KLHDC1: variants seen among roughly 807,000 people sequenced by gnomAD.
KLHDC1 encodes the protein kelch domain containing 1.
In KLHDC1, 53 loss-of-function variants were observed where a neutral mutation model predicts 68.3. The ratio of observed to expected loss-of-function variants is 0.78; its 90% confidence interval spans 0.62 to 0.98. KLHDC1 has a LOEUF of 0.98. Among genes scored for constraint, KLHDC1 ranks in the 50% least tolerant of loss-of-function variants. The probability of loss-of-function intolerance (pLI) is 0.00; values close to 1 mark genes in which losing one functional copy is unlikely to be tolerated. For synonymous variants in KLHDC1, 148 were observed against 159.0 expected, an observed-to-expected ratio of 0.93 and a Z score of 0.52; for missense variants, 470 against 492.3, an observed-to-expected ratio of 0.95 and a Z score of 0.43.
intron 9 of KLHDC1, among the ~76,000 whole-genome samples, chr14:49,734,000 C>A (rs1284446659): frequency 6.6e-6 from 1 of 152,122 alleles, no homozygotes; most frequent in Non-Finnish European, 1.5e-5. Context: ...GATTTGGAAT[C>A]TAACCAAAAA....
intron 1 of KLHDC1, among the ~76,000 whole-genome samples, chr14:49,693,748 C>CTTTTTTCTTTTT (rs1887645959): frequency 3.3e-5 from 2 of 61,538 alleles, no homozygotes; most frequent in Non-Finnish European, 6.8e-5. Flanking sequence ...TTTTCTTTTT[C>CTTTTTTCTTTTT]TTTTTTTTTT....
chr14:49,740,471 G>A (rs1889036484), intron 11 of KLHDC1, among the ~76,000 whole-genome samples: 1 of 152,076 alleles, frequency 6.6e-6, no homozygotes, highest in South Asian at 2.1e-4. Flanking sequence ...CCGAGTAGCT[G>A]GGACTACAGG....
intron 3 of KLHDC1, 112 bp downstream of exon 3, chr14:49,709,938 T>G: frequency 5.1e-6 from 3 of 585,794 alleles, no homozygotes; most frequent in East Asian, 6.3e-5. Flanking sequence ...AACCTTAAAC[T>G]TGTAATTAAA....
rs1888288765 is a variant in KLHDC1 at position 49,713,833 on chromosome 14, TATATATATATATA to T, written c.404+3453_404+3465del. On this transcript the variant is annotated intron_variant, in intron 4 of 12. Transcript: ENST00000359332. ...ATATATATATATATATATATATATA[TATATATATATATA>T]TATATTTTTTTTTTTTTTTTTCCTG... 3.4e-3 allele frequency among the ~76,000 whole-genome samples: 53 copies of T among 15,546 alleles called. 3 individuals carry two copies. Among genetic ancestry groups the T allele is most frequent in the Middle Eastern group, 0.036 (1 of 28 alleles). 10.2% of individuals were successfully genotyped at this position (15,546 alleles called of 152,430 possible).
chr14:49,726,412 CAAAT>C (rs2139754598), intron 6 of KLHDC1, among the ~76,000 whole-genome samples: 1 of 152,038 alleles, frequency 6.6e-6, no homozygotes, highest in South Asian at 2.1e-4. Context: ...TCAAAATAAA[CAAAT>C]AAAACAAAAA....
chr14:49,714,939 A>G (rs1036458934), intron 4 of KLHDC1, among the ~76,000 whole-genome samples: 2 of 147,334 alleles, frequency 1.4e-5, no homozygotes, highest in Non-Finnish European at 3.0e-5. Flanking sequence ...TGGAAATTAC[A>G]TATATACTTT....
At chr14:49,722,700 G>A (rs1888559504) in intron 4 of KLHDC1, among the ~76,000 whole-genome samples, 1 of 152,082 alleles carries the variant, frequency 6.6e-6, no homozygotes, top group African/African-American at 2.4e-5. Context: ...ATGTGGCTGG[G>A]GAGGCCTCAC....
intron 6 of KLHDC1, among the ~76,000 whole-genome samples, chr14:49,726,818 G>C (rs143332391): frequency 7.9e-4 from 120 of 152,344 alleles, no homozygotes; most frequent in African/African-American, 2.8e-3. Flanking sequence ...CTTTCTGTCT[G>C]CTTTTCTCTG....
At chr14:49,716,179 T>G (rs1888371945) in intron 4 of KLHDC1, among the ~76,000 whole-genome samples, 1 of 152,206 alleles carries the variant, frequency 6.6e-6, no homozygotes, top group Non-Finnish European at 1.5e-5. Flanking sequence ...GGAGTATCTT[T>G]GAATGCTTAT....
intron 2 of KLHDC1, 152 bp downstream of exon 2, chr14:49,709,381 C>G (rs902832462): frequency 2.6e-5 from 13 of 492,394 alleles, no homozygotes; most frequent in African/African-American, 8.1e-5. Context: ...TTTTCTGACT[C>G]TTTCATTCCC....
intron 4 of KLHDC1, among the ~76,000 whole-genome samples, chr14:49,722,832 A>G (rs1445367777): frequency 1.3e-5 from 2 of 152,204 alleles, no homozygotes; most frequent in African/African-American, 4.8e-5. Context: ...CACGCCTGTA[A>G]TCCCAGCACT....
At chr14:49,716,668 G>A (rs1172018169) in intron 4 of KLHDC1, among the ~76,000 whole-genome samples, 2 of 152,180 alleles carry the variant, frequency 1.3e-5, no homozygotes, top group Admixed American at 1.3e-4. Context: ...ACAGGCATGA[G>A]ATACCACGCC....
At chr14:49,698,542 G>A (rs1042465546) in intron 1 of KLHDC1, among the ~76,000 whole-genome samples, 1 of 150,318 alleles carries the variant, frequency 6.7e-6, no homozygotes, top group Non-Finnish European at 1.5e-5. Flanking sequence ...TTGAGACAGA[G>A]TATCTCTCTG....
intron 1 of KLHDC1, 79 bp from the exon 2 acceptor site, chr14:49,709,080 A>G (rs1440374340): frequency 1.2e-5 from 8 of 649,376 alleles, no homozygotes; most frequent in Non-Finnish European, 2.1e-5. Context: ...TTTATTAGCA[A>G]TTTTTCTCAT....
intron 1 of KLHDC1, among the ~76,000 whole-genome samples, chr14:49,704,483 T>C (rs1411144976): frequency 7.7e-6 from 1 of 130,686 alleles, no homozygotes; most frequent in Non-Finnish European, 1.6e-5. Context: ...AACCTCTGCC[T>C]CCCAGGCTCA....
chr14:49,695,905 A>C (rs889795134), intron 1 of KLHDC1, among the ~76,000 whole-genome samples: 5 of 152,146 alleles, frequency 3.3e-5, no homozygotes, highest in Non-Finnish European at 5.9e-5. Flanking sequence ...TCTACTAAAA[A>C]TACAAAAAAA....
Position 49,753,030 on chromosome 14 carries a change from G to A in KLHDC1, c.*1258G>A, listed in dbSNP as rs947220218. The stretch of plus-strand genomic sequence containing the variant: ...CATATATATGTACTGTATTTTGGAT[G>A]TGTAAAGCTTCTATGTATTGAAATA... On this transcript the variant is annotated 3_prime_UTR_variant, in exon 13 of 13. Coordinates refer to ENST00000359332, the MANE Select transcript of KLHDC1 (RefSeq NM_172193.3). 2.0e-4 allele frequency: 31 copies of A among 151,972 alleles called. No homozygotes were observed. Among genetic ancestry groups the A allele is most frequent in the Admixed American group, 6.6e-5 (1 of 15,262 alleles). 9.4% of individuals were successfully genotyped at this position (151,972 alleles called of 1,614,324 possible).
intron 1 of KLHDC1, among the ~76,000 whole-genome samples, chr14:49,707,950 C>G (rs936661833): frequency 6.6e-6 from 1 of 151,740 alleles, no homozygotes; most frequent in Admixed American, 6.6e-5. Flanking sequence ...GCCACTACAC[C>G]CGGCCTATTT....
intron 4 of KLHDC1, among the ~76,000 whole-genome samples, chr14:49,716,708 G>A (rs1437750419): frequency 6.6e-6 from 1 of 151,878 alleles, no homozygotes; most frequent in African/African-American, 2.4e-5. Context: ...GAAAGGTTGT[G>A]GTAAATACAT....
Sources: allele counts gnomAD v4.1 joint callset (sites outside exome capture counted in the v4.1 genomes callset), GRCh38; gene constraint gnomAD v4.1.1; transcripts MANE v1.5; gene names NCBI Gene and HGNC (gene_info 2026-07-23, HGNC 2026-07-21).